The following SLC35F1 variants were observed in gnomAD, a reference collection of about 807,000 sequenced individuals.
The protein encoded by SLC35F1 is chromosome 6 open reading frame 169.
A neutral mutation model predicts 48.7 loss-of-function variants in SLC35F1; 14 were observed. The ratio of observed to expected loss-of-function variants is 0.29; its 90% CI spans 0.19 to 0.45. SLC35F1 has a LOEUF of 0.45. SLC35F1 is among the 20% of genes least tolerant of loss of function. The pLI is 1.00. For synonymous variants in SLC35F1, 190 were observed against 202.2 expected (o/e 0.94, Z 0.51); for missense variants, 404 against 500.0 (o/e 0.81, Z 1.83).
Position 118,238,617 on chromosome 6 carries a change from G to A in SLC35F1, c.477+2981G>A, listed in dbSNP as rs147862796. On this transcript the variant is annotated intron_variant, in intron 3 of 7. Transcript: ENST00000360388. ...TCCCTTCTGCTAGATTTATGTTAAAGCAGGCTCCTCTCATGGTCATGAGAT... is the reference window on the plus strand; with the variant it reads ...TCCCTTCTGCTAGATTTATGTTAAAACAGGCTCCTCTCATGGTCATGAGAT... Among the ~76,000 whole-genome samples, 381 of 152,020 alleles carry A rather than the reference G, an allele frequency of 2.5e-3. 1 individual carries two copies. Among genetic ancestry groups the A allele is most frequent in the African/African-American group, 8.7e-3 (362 of 41,454 alleles).
At chr6:117,923,602 T>TATAC (rs1562238418) in intron 1 of SLC35F1, among the ~76,000 whole-genome samples, 14,597 of 31,442 alleles carry the variant, frequency 0.46, 6,511 homozygotes, top group South Asian at 0.55. Context: ...CATATGTGTA[T>TATAC]ATATACATAT....
intron 3 of SLC35F1, among the ~76,000 whole-genome samples, chr6:118,261,322 A>G (rs1775709239): frequency 6.6e-6 from 1 of 152,130 alleles, no homozygotes; most frequent in Non-Finnish European, 1.5e-5. Context: ...ATTTCATGAG[A>G]CTTAGGCCAT....
intron 1 of SLC35F1, among the ~76,000 whole-genome samples, chr6:118,043,933 G>A (rs1251054366): frequency 1.3e-5 from 2 of 152,154 alleles, no homozygotes; most frequent in Non-Finnish European, 2.9e-5. Flanking sequence ...GTCTGTACAG[G>A]ATGTGACCTA....
At chr6:117,912,508 A>G (rs1775775839) in intron 1 of SLC35F1, among the ~76,000 whole-genome samples, 1 of 152,218 alleles carries the variant, frequency 6.6e-6, no homozygotes, top group African/African-American at 2.4e-5. Context: ...TTTCTGATCA[A>G]GTGAGAAGGC....
At chr6:118,251,063 A>G (rs1775568627) in intron 3 of SLC35F1, among the ~76,000 whole-genome samples, 1 of 152,130 alleles carries the variant, frequency 6.6e-6, no homozygotes, top group Admixed American at 6.5e-5. Flanking sequence ...CGAGGCGGGC[A>G]GGTCGTTTGA....
intron 7 of SLC35F1, among the ~76,000 whole-genome samples, chr6:118,293,027 A>C (rs1776143645): frequency 6.6e-6 from 1 of 152,146 alleles, no homozygotes; most frequent in Non-Finnish European, 1.5e-5. Context: ...CCCTGAAACC[A>C]AGCCCAGGAA....
At chr6:118,016,863 T>C (rs185301332) in intron 1 of SLC35F1, among the ~76,000 whole-genome samples, 2 of 152,360 alleles carry the variant, frequency 1.3e-5, no homozygotes, top group African/African-American at 4.8e-5. Flanking sequence ...CAAGCCATCC[T>C]GTCTCTTCCC....
At chr6:118,001,357 C>T (rs1306372066) in intron 1 of SLC35F1, among the ~76,000 whole-genome samples, 5 of 152,134 alleles carry the variant, frequency 3.3e-5, no homozygotes, top group Non-Finnish European at 5.9e-5. Flanking sequence ...GGAAAGGATT[C>T]CCCATTTAAT....
chr6:118,223,137 T>C (rs1192395504), intron 2 of SLC35F1, among the ~76,000 whole-genome samples: 1 of 152,078 alleles, frequency 6.6e-6, no homozygotes, highest in Admixed American at 6.6e-5. Flanking sequence ...TTCAGAAAAA[T>C]AATATAAATA....
chr6:118,094,826 G>A (rs1451112326), intron 1 of SLC35F1, among the ~76,000 whole-genome samples: 2 of 152,014 alleles, frequency 1.3e-5, no homozygotes, highest in African/African-American at 2.4e-5. Flanking sequence ...AATTTAGCTG[G>A]GCATGGTGAG....
intron 1 of SLC35F1, among the ~76,000 whole-genome samples, chr6:117,959,974 C>G (rs1189647218): frequency 1.3e-5 from 2 of 152,004 alleles, no homozygotes; most frequent in Non-Finnish European, 2.9e-5. Context: ...AGGCAGCATT[C>G]AAATCCAGGA....
chr6:118,142,042 T>G (rs1276703572), intron 1 of SLC35F1, among the ~76,000 whole-genome samples: 1 of 152,210 alleles, frequency 6.6e-6, no homozygotes, highest in Non-Finnish European at 1.5e-5. Flanking sequence ...ACAGGCTAAT[T>G]GCTTTTACAT....
intron 1 of SLC35F1, among the ~76,000 whole-genome samples, chr6:118,012,991 G>C (rs1318895452): frequency 6.6e-6 from 1 of 152,016 alleles, no homozygotes; most frequent in Non-Finnish European, 1.5e-5. Flanking sequence ...CCCTCTTCGA[G>C]TTGGGTTCTT....
At chr6:118,059,147 C>T (rs957099557) in intron 1 of SLC35F1, among the ~76,000 whole-genome samples, 2 of 152,150 alleles carry the variant, frequency 1.3e-5, no homozygotes, top group African/African-American at 4.8e-5. Flanking sequence ...AGATAATGCA[C>T]CTTAGCTGGT....
chr6:118,066,702 T>A (rs1772619032), intron 1 of SLC35F1, among the ~76,000 whole-genome samples: 1 of 151,814 alleles, frequency 6.6e-6, no homozygotes, highest in African/African-American at 2.4e-5. Flanking sequence ...AGGAATAGAG[T>A]TCAGGTCAAC....
At position 117,935,413 on chromosome 6, in the gene SLC35F1, G is replaced by T. The variant is rs764335428; in HGVS notation, c.173+27514G>T. Among the ~76,000 whole-genome samples, 3 of 152,164 alleles carry T rather than the reference G, an allele frequency of 2.0e-5. 1 individual carries two copies. The Middle Eastern group carries it at 9.5e-3, about 482-fold the overall frequency. ...GGTTAGGCTCTTGTGAGCTACTGAT[G>T]ATAACATTTTCATCAACTGATTAAT... On this transcript the variant is annotated intron_variant, in intron 1 of 7. Transcript: ENST00000360388.
chr6:117,941,744 T>C (rs1023489150), intron 1 of SLC35F1, among the ~76,000 whole-genome samples: 2 of 152,220 alleles, frequency 1.3e-5, no homozygotes, highest in African/African-American at 4.8e-5. Context: ...TTTGAGCCTA[T>C]ATTTAAACAC....
At chr6:117,968,797 T>G (rs1776603464) in intron 1 of SLC35F1, among the ~76,000 whole-genome samples, 1 of 152,186 alleles carries the variant, frequency 6.6e-6, no homozygotes, top group African/African-American at 2.4e-5. Flanking sequence ...GACCTGTATT[T>G]GTATAGGGGT....
At chr6:118,248,037 G>T (rs1047498296) in intron 3 of SLC35F1, among the ~76,000 whole-genome samples, 1 of 152,184 alleles carries the variant, frequency 6.6e-6, no homozygotes, top group Non-Finnish European at 1.5e-5. Context: ...GTGCTCAGAG[G>T]CAATTTCAAA....
Sources: gnomAD v4.1 joint callset for allele counts (sites outside exome capture counted in the v4.1 genomes callset) on GRCh38, gnomAD v4.1.1 for gene constraint, MANE v1.5 for transcripts, NCBI Gene and HGNC (gene_info 2026-07-23, HGNC 2026-07-21) for gene names.